The following PCDH7 variants were observed in gnomAD, a reference collection of about 807,000 sequenced individuals.
The protein encoded by PCDH7 is protocadherin-7.
A neutral mutation model predicts 58.9 loss-of-function variants in PCDH7; 17 were observed. The observed-to-expected ratio is 0.29, with a 90% CI of 0.20 to 0.43. The LOEUF (loss-of-function observed/expected upper bound fraction) is 0.43. PCDH7 is among the 20% of genes least tolerant of loss of function. The pLI is 1.00. For synonymous variants in PCDH7, 664 were observed against 616.4 expected (o/e 1.08, Z -1.14); for missense variants, 1,274 against 1,441.0 (o/e 0.88, Z 1.88).
chr4:30,920,432 C>A, intron 2 of PCDH7, 63 bp downstream of exon 2: 1 of 1,210,342 alleles, frequency 8.3e-7, no homozygotes, highest in East Asian at 5.2e-5. Context: ...AGTAGACTCG[C>A]GAAGGTCAGT....
chr4:31,072,392 C>T (rs1758619087), intron 3 of PCDH7, among the ~76,000 whole-genome samples: 1 of 151,940 alleles, frequency 6.6e-6, no homozygotes. Flanking sequence ...TGTAAAGACT[C>T]ATGCATGAAT....
At chr4:30,812,733 A>G (rs1455102542) in intron 1 of PCDH7, among the ~76,000 whole-genome samples, 1 of 152,186 alleles carries the variant, frequency 6.6e-6, no homozygotes, top group Non-Finnish European at 1.5e-5. Flanking sequence ...TCCCCTTTGT[A>G]TAATGATGGG....
intron 3 of PCDH7, among the ~76,000 whole-genome samples, chr4:30,962,757 T>C (rs1578425441): frequency 8.9e-6 from 1 of 112,278 alleles, no homozygotes; most frequent in Non-Finnish European, 1.7e-5. Flanking sequence ...AGCCTGGGGG[T>C]CAGAATGAGA....
intron 3 of PCDH7, among the ~76,000 whole-genome samples, chr4:31,041,036 C>A (rs1210060271): frequency 6.6e-6 from 1 of 152,154 alleles, no homozygotes; most frequent in Non-Finnish European, 1.5e-5. Flanking sequence ...GTGCTGACTT[C>A]TGTTTACCGG....
At chr4:31,084,400 T>C (rs951533787) in intron 3 of PCDH7, among the ~76,000 whole-genome samples, 1 of 152,108 alleles carries the variant, frequency 6.6e-6, no homozygotes, top group Non-Finnish European at 1.5e-5. Flanking sequence ...TATTGAGCTT[T>C]ATTATAGAAA....
chr4:30,750,732 C>T (rs1718402369), intron 1 of PCDH7, among the ~76,000 whole-genome samples: 1 of 152,226 alleles, frequency 6.6e-6, no homozygotes, highest in Admixed American at 6.5e-5. Flanking sequence ...ATTCTAGGTA[C>T]TGGCCCATGT....
rs144214793 is a variant in PCDH7, at chr4:30,814,407, G to A, written c.70+89811G>A. On this transcript the variant is annotated intron_variant, in intron 1 of 3. Coordinates refer to the PCDH7 transcript ENST00000509759. ...TCATATGAATTTCTATTATTAGCTCGTTTAGTTGTGAGCTCCTTTAGTTTA... is the reference window on the plus strand; with the variant it reads ...TCATATGAATTTCTATTATTAGCTCATTTAGTTGTGAGCTCCTTTAGTTTA... Among the ~76,000 whole-genome samples the A allele has an allele frequency of 3.7e-3, 559 of 151,986 alleles. 5 individuals carry two copies. The highest frequency in any genetic ancestry group is 0.013 in the African/African-American group (528 of 41,476).
At chr4:30,865,034 A>G (rs1056526901) in intron 1 of PCDH7, among the ~76,000 whole-genome samples, 10 of 152,060 alleles carry the variant, frequency 6.6e-5, no homozygotes, top group African/African-American at 2.4e-4. Context: ...GCATATGAGA[A>G]GTAGGAGCTG....
chr4:30,868,070 C>T (rs1444957176), intron 1 of PCDH7, among the ~76,000 whole-genome samples: 3 of 152,000 alleles, frequency 2.0e-5, no homozygotes, highest in Non-Finnish European at 4.4e-5. Context: ...GTCATTTTCA[C>T]TACTTTTCAG....
chr4:30,974,050 GA>G (rs369937017), intron 3 of PCDH7, among the ~76,000 whole-genome samples: 3 of 149,280 alleles, frequency 2.0e-5, no homozygotes, highest in Admixed American at 6.7e-5. Flanking sequence ...TCTTCTCTAG[GA>G]AAAAAAAACA....
intron 3 of PCDH7, among the ~76,000 whole-genome samples, chr4:30,977,259 G>T (rs1750154406): frequency 6.6e-6 from 1 of 152,100 alleles, no homozygotes; most frequent in Non-Finnish European, 1.5e-5. Flanking sequence ...GTGGAGTCTT[G>T]CCACTCCATT....
At chr4:31,080,047 C>A (rs1759373532) in intron 3 of PCDH7, among the ~76,000 whole-genome samples, 1 of 152,116 alleles carries the variant, frequency 6.6e-6, no homozygotes, top group Non-Finnish European at 1.5e-5. Flanking sequence ...CCACCTAATA[C>A]CTTCCTGCAA....
At chr4:30,818,188 C>T (rs1335965655) in intron 1 of PCDH7, among the ~76,000 whole-genome samples, 4 of 152,154 alleles carry the variant, frequency 2.6e-5, no homozygotes, top group African/African-American at 9.7e-5. Context: ...TTGCACCTTC[C>T]TTCTATACCC....
intron 1 of PCDH7, among the ~76,000 whole-genome samples, chr4:30,773,086 A>G (rs1721620859): frequency 6.6e-6 from 1 of 152,168 alleles, no homozygotes; most frequent in African/African-American, 2.4e-5. Flanking sequence ...GAATGTTTGT[A>G]GAGACGGGAT....
intron 3 of PCDH7, among the ~76,000 whole-genome samples, chr4:31,073,422 A>G (rs1177991217): frequency 6.6e-6 from 1 of 152,200 alleles, no homozygotes; most frequent in Non-Finnish European, 1.5e-5. Context: ...TGAAGAATCC[A>G]TCTGCTATAC....
In PCDH7 at chr4:30,893,446, G is replaced by A. The variant is rs1334947404; in HGVS notation, c.71-26707G>A. ...AATTTCAAAGTATCACCAAATATCAGTATTCAATATACTGCTATAAAGATA... is the reference window on the plus strand; with the variant it reads ...AATTTCAAAGTATCACCAAATATCAATATTCAATATACTGCTATAAAGATA... On this transcript the variant is annotated intron_variant, in intron 1 of 3. Transcript: ENST00000509759. Among the ~76,000 whole-genome samples the A allele has an allele frequency of 2.6e-5, 4 of 152,000 alleles. No individual in the cohort carries two copies. The East Asian group carries it at 7.7e-4, about 29-fold the overall frequency.
chr4:30,842,007 A>G (rs568032973), intron 1 of PCDH7, among the ~76,000 whole-genome samples: 2 of 152,172 alleles, frequency 1.3e-5, no homozygotes, highest in South Asian at 2.1e-4. Flanking sequence ...AATTTCAGAG[A>G]AAGTGGAAGG....
At chr4:30,725,730 T>A (rs1166530465) in intron 1 of PCDH7, among the ~76,000 whole-genome samples, 2 of 152,128 alleles carry the variant, frequency 1.3e-5, no homozygotes, top group Non-Finnish European at 2.9e-5. Flanking sequence ...TAATTTCTAT[T>A]AAACATGCTT....
At chr4:30,842,226 G>T (rs1180200301) in intron 1 of PCDH7, among the ~76,000 whole-genome samples, 1 of 152,072 alleles carries the variant, frequency 6.6e-6, no homozygotes, top group Admixed American at 6.6e-5. Flanking sequence ...TTTATATGGT[G>T]CTCTGTATAT....
Sources: gnomAD v4.1 joint callset for allele counts (sites outside exome capture counted in the v4.1 genomes callset) on GRCh38, gnomAD v4.1.1 for gene constraint, MANE v1.5 for transcripts, NCBI Gene and HGNC (gene_info 2026-07-23, HGNC 2026-07-21) for gene names.